LSAMP: variants seen among roughly 807,000 people sequenced by gnomAD.
The protein encoded by LSAMP is limbic system associated membrane protein.
LSAMP carries 7 observed loss-of-function variants against 38.6 expected under a neutral mutation model. The observed-to-expected ratio is 0.18, with a 90% CI of 0.10 to 0.34. LSAMP has a LOEUF of 0.34. Ranked by LOEUF, LSAMP falls within the 10% of genes least tolerant of loss-of-function variation. LSAMP has a pLI of 1.00. For synonymous variants in LSAMP, 154 were observed against 166.8 expected, an observed-to-expected ratio of 0.92 and a Z score of 0.59; for missense variants, 313 against 420.0, an observed-to-expected ratio of 0.75 and a Z score of 2.23.
intron 2 of LSAMP, among the ~76,000 whole-genome samples, chr3:116,032,485 AG>A (rs967164880): frequency 1.6e-4 from 25 of 152,268 alleles, no homozygotes; most frequent in African/African-American, 6.0e-4. Context: ...TCAAGATGAA[AG>A]GAAAGCTTTG....
chr3:116,238,640 G>A (rs1297864071), intron 1 of LSAMP, among the ~76,000 whole-genome samples: 2 of 152,118 alleles, frequency 1.3e-5, no homozygotes, highest in Admixed American at 6.5e-5. Context: ...CATCATGGTA[G>A]TAGAGTCTCT....
intron 2 of LSAMP, among the ~76,000 whole-genome samples, chr3:116,023,648 C>T (rs965944112): frequency 6.6e-6 from 1 of 151,490 alleles, no homozygotes; most frequent in Non-Finnish European, 1.5e-5. Flanking sequence ...TCTAGCCTTC[C>T]TCTCTTCATG....
In LSAMP at chr3:116,186,850, T is replaced by C. The variant is rs76981322; in HGVS notation, c.156-100294A>G. On this transcript the variant is annotated intron_variant, in intron 1 of 6. Transcript: ENST00000490035. The stretch of plus-strand genomic sequence containing the variant: ...GGCTTGCATCAACTGGATATTATAC[T>C]TGAATCAGTATATTCAAGTCTGTGG... Among the ~76,000 whole-genome samples the C allele has an allele frequency of 2.0e-3, 308 of 152,242 alleles. 9 individuals carry two copies. In the East Asian group the frequency reaches 0.056, roughly 28 times the overall value.
intron 6 of LSAMP, among the ~76,000 whole-genome samples, chr3:115,822,412 G>A (rs897512593): frequency 7.0e-6 from 1 of 143,418 alleles, no homozygotes; most frequent in African/African-American, 2.6e-5. Flanking sequence ...CCAGGCTGGA[G>A]TGCAATGGCC....
At chr3:116,275,185 G>A (rs985860045) in intron 1 of LSAMP, among the ~76,000 whole-genome samples, 2 of 151,808 alleles carry the variant, frequency 1.3e-5, no homozygotes, top group East Asian at 1.9e-4. Context: ...CCTGCATAGC[G>A]GAGACTACAG....
chr3:116,165,103 G>A (rs1710017984), intron 1 of LSAMP, among the ~76,000 whole-genome samples: 1 of 152,144 alleles, frequency 6.6e-6, no homozygotes, highest in Admixed American at 6.5e-5. Flanking sequence ...CAGATAGTAT[G>A]TCTGAGCAGA....
intron 2 of LSAMP, among the ~76,000 whole-genome samples, chr3:116,059,686 C>T (rs1185327869): frequency 6.6e-6 from 1 of 152,158 alleles, no homozygotes; most frequent in Non-Finnish European, 1.5e-5. Flanking sequence ...CCTTCACACA[C>T]AAGCAGCCAA....
chr3:115,826,518 G>T (rs544865369), intron 6 of LSAMP, among the ~76,000 whole-genome samples: 2 of 152,046 alleles, frequency 1.3e-5, no homozygotes, highest in South Asian at 4.1e-4. Flanking sequence ...TCTTCACATG[G>T]ACTTAAAGTT....
chr3:116,212,349 T>G (rs958536648), intron 1 of LSAMP, among the ~76,000 whole-genome samples: 1 of 152,202 alleles, frequency 6.6e-6, no homozygotes, highest in Non-Finnish European at 1.5e-5. Flanking sequence ...TTTTCATTTA[T>G]GGCAATATCA....
intron 1 of LSAMP, among the ~76,000 whole-genome samples, chr3:116,436,178 C>A (rs761601418): frequency 2.6e-5 from 4 of 152,114 alleles, no homozygotes; most frequent in Non-Finnish European, 4.4e-5. Context: ...CTTCATCTCT[C>A]AACTTATACA....
intron 1 of LSAMP, among the ~76,000 whole-genome samples, chr3:116,428,663 C>T (rs1409511790): frequency 1.3e-5 from 2 of 152,150 alleles, no homozygotes; most frequent in Non-Finnish European, 2.9e-5. Flanking sequence ...TGGAGCTCCC[C>T]AGGAACCTAT....
chr3:116,178,254 C>T (rs144218279), intron 1 of LSAMP, among the ~76,000 whole-genome samples: 197 of 152,324 alleles, frequency 1.3e-3, no homozygotes, highest in Non-Finnish European at 1.7e-3. Flanking sequence ...GCAACCTCTG[C>T]TTCCCAGTTT....
chr3:116,368,555 G>A (rs2048386550), intron 1 of LSAMP, among the ~76,000 whole-genome samples: 1 of 152,186 alleles, frequency 6.6e-6, no homozygotes, highest in Non-Finnish European at 1.5e-5. Context: ...GCTGCATGAA[G>A]AGTCTTTGGT....
chr3:116,147,406 A>G (rs1376231764), intron 1 of LSAMP, among the ~76,000 whole-genome samples: 2 of 151,898 alleles, frequency 1.3e-5, no homozygotes, highest in Admixed American at 6.6e-5. Flanking sequence ...CAATGGTATC[A>G]TGGCATATAT....
chr3:115,820,015 A>AT (rs1196519621), intron 6 of LSAMP, among the ~76,000 whole-genome samples: 3 of 146,242 alleles, frequency 2.1e-5, no homozygotes, highest in Non-Finnish European at 4.6e-5. Flanking sequence ...AGTGGGAGAA[A>AT]TAAACACTTT....
intron 1 of LSAMP, among the ~76,000 whole-genome samples, chr3:116,157,469 AT>A (rs975586916): frequency 2.6e-5 from 4 of 152,152 alleles, no homozygotes; most frequent in Non-Finnish European, 5.9e-5. Context: ...TAATCAGTTC[AT>A]CCAAATCATG....
intron 3 of LSAMP, among the ~76,000 whole-genome samples, chr3:115,876,437 T>A (rs1403481083): frequency 6.6e-6 from 1 of 151,964 alleles, no homozygotes; most frequent in Non-Finnish European, 1.5e-5. Flanking sequence ...AATGAGTGTG[T>A]ATTGGTAGTG....
chr3:116,373,516 C>T (rs2048459098), intron 1 of LSAMP, among the ~76,000 whole-genome samples: 1 of 151,554 alleles, frequency 6.6e-6, no homozygotes, highest in Admixed American at 6.6e-5. Context: ...GATGGTTGCA[C>T]AGCAATATAA....
At chr3:116,105,717 C>T (rs1708450479) in intron 1 of LSAMP, among the ~76,000 whole-genome samples, 1 of 152,220 alleles carries the variant, frequency 6.6e-6, no homozygotes, top group Non-Finnish European at 1.5e-5. Flanking sequence ...TCTTCAGTTA[C>T]TTCAGGCCAT....
Sources: allele counts gnomAD v4.1 joint callset (sites outside exome capture counted in the v4.1 genomes callset), GRCh38; gene constraint gnomAD v4.1.1; transcripts MANE v1.5; gene names NCBI Gene and HGNC (gene_info 2026-07-23, HGNC 2026-07-21).